Variants in CTTNBP2NL observed in about 807,000 individuals in gnomAD.
CTTNBP2NL encodes the protein CTTNBP2 N-terminal like.
A neutral mutation model predicts 32.5 loss-of-function variants in CTTNBP2NL; 16 were observed. That is an observed-to-expected ratio of 0.49 (90% CI 0.33 to 0.75). The LOEUF is 0.75. CTTNBP2NL is among the 30% of genes least tolerant of loss of function. CTTNBP2NL has a pLI of 0.02. For missense variants in CTTNBP2NL, 645 were observed against 756.0 expected (o/e 0.85, Z 1.72); for synonymous variants, 298 against 289.4 (o/e 1.03, Z -0.30).
At chr1:112,400,115 C>T (rs908763728) in intron 1 of CTTNBP2NL, among the ~76,000 whole-genome samples, 2 of 152,128 alleles carry the variant, frequency 1.3e-5, no homozygotes, top group African/African-American at 4.8e-5. Flanking sequence ...ATATTTGCTG[C>T]TAATAACTAA....
At chr1:112,421,698 A>G (rs1649238079) in intron 3 of CTTNBP2NL, among the ~76,000 whole-genome samples, 1 of 151,444 alleles carries the variant, frequency 6.6e-6, no homozygotes, top group African/African-American at 2.4e-5. Context: ...CTTTGTTGTT[A>G]TTAGTGGCAC....
chr1:112,418,126 G>C (rs116451436), intron 3 of CTTNBP2NL, among the ~76,000 whole-genome samples: 4,855 of 151,986 alleles, frequency 0.032, 238 homozygotes, highest in African/African-American at 0.11. Context: ...TTTTTGTCTG[G>C]ACATAAAATC....
chr1:112,421,005 G>A (rs1378202086), intron 3 of CTTNBP2NL, among the ~76,000 whole-genome samples: 1 of 152,132 alleles, frequency 6.6e-6, no homozygotes, highest in African/African-American at 2.4e-5. Flanking sequence ...AAAATGTTAT[G>A]GTTATTACGA....
chr1:112,416,955 C>G (rs990113780), intron 3 of CTTNBP2NL, among the ~76,000 whole-genome samples: 2 of 152,224 alleles, frequency 1.3e-5, no homozygotes, highest in East Asian at 3.9e-4. Context: ...TCCACGGATT[C>G]CCTGGACCCC....
At chr1:112,414,371 G>A (rs1353817672) in intron 2 of CTTNBP2NL, among the ~76,000 whole-genome samples, 4 of 152,030 alleles carry the variant, frequency 2.6e-5, no homozygotes, top group African/African-American at 7.2e-5. Context: ...CTCAAAAAAA[G>A]AAAATTAGCA....
intron 3 of CTTNBP2NL, among the ~76,000 whole-genome samples, chr1:112,424,618 T>C (rs1649335547): frequency 6.6e-6 from 1 of 152,218 alleles, no homozygotes; most frequent in South Asian, 2.1e-4. Context: ...AGAATTCATA[T>C]CTTAACAACA....
At position 112,425,698 on chromosome 1, in the gene CTTNBP2NL, T is replaced by TAA. The variant is rs748253762; in HGVS notation, c.99+9448_99+9449dup. Reference sequence around the variant, plus strand: ...GGGCAACATGGTGAAACCCCTTGTCTAAAAAAAAAAAAAAATTAGCTGGGT... The same window carrying TAA: ...GGGCAACATGGTGAAACCCCTTGTCTAAAAAAAAAAAAAAAAATTAGCTGGGT... On this transcript the variant is annotated intron_variant, in intron 3 of 5. Transcript: ENST00000271277. Among the ~76,000 whole-genome samples the TAA allele has an allele frequency of 8.5e-3, 1,171 of 137,422 alleles. 16 individuals carry two copies. The highest frequency in any genetic ancestry group is 0.029 in the African/African-American group (1,100 of 37,398). 90.2% of individuals were successfully genotyped at this position (137,422 alleles called of 152,430 possible).
chr1:112,459,187 A>G lies in CTTNBP2NL; in HGVS notation c.*1775A>G, dbSNP rs959589236. On this transcript the variant is annotated 3_prime_UTR_variant, in exon 6 of 6. Transcript: ENST00000271277. ...AGTTGCAACCTCTTTCATTCTAGAA[A>G]CTTCTGTCATTTTCATCATAGCAAG... 2 of 152,192 alleles carry G rather than the reference A, an allele frequency of 1.3e-5. No individual in the cohort carries two copies. The highest frequency in any genetic ancestry group is 2.9e-5 in the Non-Finnish European group (2 of 68,040). 9.4% of individuals were successfully genotyped at this position (152,192 alleles called of 1,614,324 possible). A position where few individuals can be genotyped will look rare whatever the true frequency, so the allele number is the denominator to read the frequency against.
chr1:112,430,489 C>T (rs1390814847), intron 3 of CTTNBP2NL, among the ~76,000 whole-genome samples: 5 of 151,612 alleles, frequency 3.3e-5, no homozygotes, highest in Admixed American at 1.3e-4. Flanking sequence ...CCACCCGCCT[C>T]GGCCTTCCAG....
At chr1:112,424,235 G>GT (rs1164157923) in intron 3 of CTTNBP2NL, among the ~76,000 whole-genome samples, 4 of 151,610 alleles carry the variant, frequency 2.6e-5, no homozygotes, top group Non-Finnish European at 5.9e-5. Context: ...TCCATTTTTT[G>GT]TTTTTTTGCA....
At chr1:112,405,379 C>T (rs1019667998) in intron 1 of CTTNBP2NL, among the ~76,000 whole-genome samples, 3 of 152,112 alleles carry the variant, frequency 2.0e-5, no homozygotes, top group Non-Finnish European at 4.4e-5. Flanking sequence ...CTCACTGCAA[C>T]CTCCACCTCC....
intron 3 of CTTNBP2NL, among the ~76,000 whole-genome samples, chr1:112,440,060 C>T (rs1649852802): frequency 6.6e-6 from 1 of 152,226 alleles, no homozygotes; most frequent in African/African-American, 2.4e-5. Context: ...TACATAGTCA[C>T]ATCTCTGTTC....
chr1:112,398,262 CA>C (rs1481305462), intron 1 of CTTNBP2NL, among the ~76,000 whole-genome samples: 1 of 152,150 alleles, frequency 6.6e-6, no homozygotes, highest in Non-Finnish European at 1.5e-5. Context: ...CTGTTTGTTA[CA>C]CTTTTGGGTC....
chr1:112,405,154 C>A (rs1648622409), intron 1 of CTTNBP2NL, among the ~76,000 whole-genome samples: 1 of 152,098 alleles, frequency 6.6e-6, no homozygotes, highest in Non-Finnish European at 1.5e-5. Flanking sequence ...TTAAAATGTT[C>A]AATGATAAAA....
At chr1:112,393,300 C>G (rs1009475166), upstream of CTTNBP2NL, among the ~76,000 whole-genome samples, 1 of 152,258 alleles carries the variant, frequency 6.6e-6, no homozygotes, top group South Asian at 2.1e-4. Flanking sequence ...GCCTAGACCT[C>G]TTTTACTCCA....
chr1:112,415,949 T>C (rs1010387687), intron 2 of CTTNBP2NL: 6 of 469,164 alleles, frequency 1.3e-5, no homozygotes, highest in Non-Finnish European at 1.9e-5. Context: ...TGAGTGGTAG[T>C]GAAATCAATA....
At chr1:112,399,642 G>C (rs1009373023) in intron 1 of CTTNBP2NL, among the ~76,000 whole-genome samples, 9 of 152,266 alleles carry the variant, frequency 5.9e-5, no homozygotes, top group African/African-American at 2.2e-4. Flanking sequence ...TTTCTTGGGG[G>C]TTTCCATCTA....
At chr1:112,429,947 G>A (rs1649510969) in intron 3 of CTTNBP2NL, among the ~76,000 whole-genome samples, 1 of 152,246 alleles carries the variant, frequency 6.6e-6, no homozygotes, top group South Asian at 2.1e-4. Context: ...CTAATAATCT[G>A]TTCTAGGAAG....
chr1:112,406,833 C>T (rs1358136685), intron 1 of CTTNBP2NL, among the ~76,000 whole-genome samples: 3 of 152,074 alleles, frequency 2.0e-5, no homozygotes, highest in African/African-American at 7.2e-5. Context: ...AAATAGAGCA[C>T]TATGTATTTG....
Sources: gnomAD v4.1 joint callset for allele counts (sites outside exome capture counted in the v4.1 genomes callset) on GRCh38, gnomAD v4.1.1 for gene constraint, MANE v1.5 for transcripts, NCBI Gene and HGNC (gene_info 2026-07-23, HGNC 2026-07-21) for gene names.